The following CCDC169 variants were observed in gnomAD, a reference collection of about 807,000 sequenced individuals.
CCDC169 encodes the protein coiled-coil domain-containing protein 169.
Under a neutral mutation model 36.0 loss-of-function variants are expected in CCDC169, and 30 were observed. The ratio of observed to expected loss-of-function variants is 0.83; its 90% confidence interval spans 0.62 to 1.13. The LOEUF (loss-of-function observed/expected upper bound fraction) is 1.13, where lower values mean the gene tolerates loss of function less well. CCDC169 is among the 50% of genes most tolerant of loss of function. The probability of loss-of-function intolerance (pLI) is 0.00; values close to 1 mark genes in which losing one functional copy is unlikely to be tolerated. For synonymous variants in CCDC169, 85 were observed against 81.5 expected, an observed-to-expected ratio of 1.04 and a Z score of -0.23; for missense variants, 245 against 245.9, an observed-to-expected ratio of 1.00 and a Z score of 0.03.
chr13:36,272,425 C>T (rs1417065312), intron 4 of CCDC169, among the ~76,000 whole-genome samples: 1 of 152,096 alleles, frequency 6.6e-6, no homozygotes, highest in African/African-American at 2.4e-5. Context: ...AGTAGTAACA[C>T]ATGTAAAAAT....
At chr13:36,267,768 C>T (rs1021039902) in intron 4 of CCDC169, among the ~76,000 whole-genome samples, 12 of 151,800 alleles carry the variant, frequency 7.9e-5, no homozygotes, top group South Asian at 2.1e-4. Context: ...AGATATTCCA[C>T]GCAAATAGAA....
chr13:36,229,584 C>T (rs1204174507), downstream of CCDC169, among the ~76,000 whole-genome samples: 1 of 137,432 alleles, frequency 7.3e-6, no homozygotes, highest in Non-Finnish European at 1.5e-5. Flanking sequence ...GTCTCCCAAG[C>T]TGGAGTGCAG....
chr13:36,274,846 G>A (rs1033641674), intron 4 of CCDC169, among the ~76,000 whole-genome samples: 2 of 148,490 alleles, frequency 1.3e-5, no homozygotes. Context: ...ATCCAAAGCA[G>A]AGAGAAAATT....
intron 4 of CCDC169, among the ~76,000 whole-genome samples, chr13:36,263,858 T>C (rs1415776710): frequency 6.6e-6 from 1 of 152,096 alleles, no homozygotes; most frequent in East Asian, 1.9e-4. Flanking sequence ...CCCTATGAAA[T>C]AAACTGCTCA....
Position 36,231,000 on chromosome 13 carries a change from T to C in CCDC169, c.*193A>G, listed in dbSNP as rs1870356576. The C allele has an allele frequency of 1.5e-6, 2 of 1,355,164 alleles. No homozygotes were observed. Among genetic ancestry groups the C allele is most frequent in the South Asian group, 1.8e-5 (1 of 55,162 alleles). The allele number at this position is 1,355,164 out of a possible 1,614,324, so 83.9% of individuals were successfully genotyped here. A position where few individuals can be genotyped will look rare whatever the true frequency, so the allele number is the denominator to read the frequency against. ...AAAACTCTCAAGCACTTCTATTACA[T>C]AGTTTAGGGTCACTGGAGAAAATTA... On this transcript the variant is annotated 3_prime_UTR_variant, in exon 8 of 8. Coordinates refer to ENST00000239859, the MANE Select transcript of CCDC169 (RefSeq NM_001144981.3).
At chr13:36,288,726 G>T (rs957882006) in intron 2 of CCDC169, among the ~76,000 whole-genome samples, 19 of 151,932 alleles carry the variant, frequency 1.3e-4, no homozygotes, top group African/African-American at 4.1e-4. Flanking sequence ...AGTAATTTAA[G>T]TAATTCAAAG....
rs933525941 is a variant in CCDC169, at chr13:36,263,330, A to G, written c.316-9187T>C. ...GCAAATTAAAGGGAAAAAATCTTCA[A>G]GTCAAATTCTCTCAATTATATTGGT... On this transcript the variant is annotated intron_variant, in intron 4 of 7. Transcript: ENST00000239859. 2.0e-5 allele frequency among the ~76,000 whole-genome samples: 3 copies of G among 152,228 alleles called. No homozygotes were observed. In the East Asian group the frequency reaches 5.8e-4, roughly 29 times the overall value.
downstream of CCDC169, chr13:36,222,936 G>A (rs1225133583): frequency 1.3e-5 from 2 of 152,088 alleles, no homozygotes; most frequent in Admixed American, 6.6e-5. Context: ...ATATCAAGTG[G>A]TTTACAACAG....
intron 4 of CCDC169, among the ~76,000 whole-genome samples, chr13:36,266,619 T>C (rs138592814): frequency 1.7e-4 from 26 of 152,338 alleles, no homozygotes; most frequent in African/African-American, 6.0e-4. Context: ...AGAGGGCCTC[T>C]TATGAGGCTA....
intron 4 of CCDC169, among the ~76,000 whole-genome samples, chr13:36,257,993 C>T (rs970342489): frequency 3.9e-5 from 6 of 152,108 alleles, no homozygotes; most frequent in Non-Finnish European, 5.9e-5. Flanking sequence ...TGAGGAATGG[C>T]GAATGGAACA....
At position 36,253,843 on chromosome 13, in the gene CCDC169, A is replaced by G. The variant is rs1022615259; in HGVS notation, c.428T>C (p.Ile143Thr). 2 of 1,551,106 alleles carry G rather than the reference A, an allele frequency of 1.3e-6. No homozygotes were observed. Among genetic ancestry groups the G allele is most frequent in the African/African-American group, 2.7e-5 (2 of 73,030 alleles). Reference protein sequence around the residue: ...LEQESKAYQKINNERRTYLAE... With the variant: ...LEQESKAYQKTNNERRTYLAE... Reference sequence around the variant, plus strand: ...TAGGTATGTACGGCGTTCATTGTTGATCTTCTGGTAAGCCTGTGTGAAGAT... The same window carrying G: ...TAGGTATGTACGGCGTTCATTGTTGGTCTTCTGGTAAGCCTGTGTGAAGAT... The change falls in exon 6 of 8, where the codon ATC (isoleucine) becomes ACC (threonine). Residue 143 changes from isoleucine (I) to threonine (T), a missense_variant. Ile to Thr is a moderately conservative substitution (Grantham distance 89). Coordinates refer to ENST00000239859, the MANE Select transcript of CCDC169 (RefSeq NM_001144981.3).
downstream of CCDC169, chr13:36,227,211 A>C: frequency 2.6e-6 from 4 of 1,542,552 alleles, no homozygotes; most frequent in Non-Finnish European, 3.5e-6. Context: ...TTAGCTCTTC[A>C]GGTGAGTCTG....
downstream of CCDC169, chr13:36,222,899 G>T (rs1869687232): frequency 6.6e-6 from 1 of 151,914 alleles, no homozygotes; most frequent in Non-Finnish European, 1.5e-5. Context: ...AGTGACAGAA[G>T]ATATAAAAAA....
intron 5 of CCDC169, 90 bp downstream of exon 5, chr13:36,253,955 G>GTTTTGCAAGCA (rs1566069132): frequency 3.9e-6 from 6 of 1,522,370 alleles, no homozygotes; most frequent in Admixed American, 4.4e-5. Context: ...GTAGGAAATA[G>GTTTTGCAAGCA]TTTTGTGTTA....
chr13:36,262,800 T>C (rs1874760082), intron 4 of CCDC169, among the ~76,000 whole-genome samples: 1 of 152,204 alleles, frequency 6.6e-6, no homozygotes, highest in African/African-American at 2.4e-5. Context: ...TGCCCAGCTC[T>C]GGATCAGTGA....
At chr13:36,254,249 G>T (rs1566069456) in intron 4 of CCDC169, 106 bp from the exon 5 acceptor site, 132 of 548,766 alleles carry the variant, frequency 2.4e-4, no homozygotes, top group South Asian at 1.1e-3. Flanking sequence ...CTAATATTTT[G>T]TGATTTCATA....
chr13:36,279,350 C>T (rs1306295358), intron 4 of CCDC169, among the ~76,000 whole-genome samples: 1 of 152,164 alleles, frequency 6.6e-6, no homozygotes, highest in Non-Finnish European at 1.5e-5. Context: ...CCAGCTTCAT[C>T]GCTCATCATC....
chr13:36,277,595 C>A (rs1876987171), intron 4 of CCDC169, among the ~76,000 whole-genome samples: 1 of 152,092 alleles, frequency 6.6e-6, no homozygotes, highest in South Asian at 2.1e-4. Context: ...TTGGTGAATG[C>A]ACATGTTAGA....
chr13:36,277,715 C>T (rs1877002500), intron 4 of CCDC169, among the ~76,000 whole-genome samples: 1 of 152,038 alleles, frequency 6.6e-6, no homozygotes, highest in Non-Finnish European at 1.5e-5. Context: ...TAATGGGAGG[C>T]TGAGGCAGGC....
Sources: allele counts gnomAD v4.1 joint callset (sites outside exome capture counted in the v4.1 genomes callset), GRCh38; gene constraint gnomAD v4.1.1; transcripts MANE v1.5; gene names NCBI Gene and HGNC (gene_info 2026-07-23, HGNC 2026-07-21).